The following ADK variants were observed in gnomAD, a reference collection of about 807,000 sequenced individuals.
ADK encodes adenosine kinase.
A neutral mutation model predicts 44.7 loss-of-function variants in ADK; 24 were observed. That is an observed-to-expected ratio of 0.54 (90% CI 0.39 to 0.76). The LOEUF (loss-of-function observed/expected upper bound fraction) is 0.76, where lower values mean the gene tolerates loss of function less well. Among genes scored for constraint, ADK ranks in the 30% least tolerant of loss-of-function variants. The pLI is 0.00. For missense variants in ADK, 321 were observed against 425.1 expected, an observed-to-expected ratio of 0.76 and a Z score of 2.15; for synonymous variants, 128 against 142.6, an observed-to-expected ratio of 0.90 and a Z score of 0.73.
chr10:74,397,532 A>T (rs1025972046), intron 5 of ADK, among the ~76,000 whole-genome samples: 68 of 151,890 alleles, frequency 4.5e-4, no homozygotes, highest in African/African-American at 1.6e-3. Flanking sequence ...GCAGGATTTT[A>T]TTTATTTATT....
intron 3 of ADK, among the ~76,000 whole-genome samples, chr10:74,303,598 T>G (rs1223353347): frequency 7.5e-6 from 1 of 133,530 alleles, no homozygotes; most frequent in African/African-American, 2.9e-5. Context: ...GTTTTTTTTT[T>G]TTTTTTTTTT....
intron 3 of ADK, among the ~76,000 whole-genome samples, chr10:74,240,865 T>TC (rs1473721866): frequency 2.0e-5 from 3 of 152,232 alleles, no homozygotes; most frequent in Non-Finnish European, 2.9e-5. Context: ...AAACCCATTG[T>TC]CAGTTATTTG....
At chr10:74,479,200 G>C (rs1479069663) in intron 6 of ADK, among the ~76,000 whole-genome samples, 1 of 150,780 alleles carries the variant, frequency 6.6e-6, no homozygotes, top group East Asian at 1.9e-4. Flanking sequence ...GGTTTCACCA[G>C]TTGCCCAGGC....
At chr10:74,347,106 CAAAAAAAAAAAAAAAA>C (rs58074760) in intron 4 of ADK, among the ~76,000 whole-genome samples, 227 of 92,292 alleles carry the variant, frequency 2.5e-3, no homozygotes, top group African/African-American at 2.9e-3. Context: ...CACTCTGTCT[CAAAAAAAAAAAAAAAA>C]AAAAAAAAAA....
chr10:74,257,784 T>G (rs970903534), intron 3 of ADK, among the ~76,000 whole-genome samples: 3 of 152,230 alleles, frequency 2.0e-5, no homozygotes, highest in Non-Finnish European at 4.4e-5. Context: ...AAAAATGCAG[T>G]GTAACTTGTA....
chr10:74,341,778 T>C (rs1564663525), intron 4 of ADK, among the ~76,000 whole-genome samples: 1 of 152,192 alleles, frequency 6.6e-6, no homozygotes, highest in South Asian at 2.1e-4. Flanking sequence ...GAAAATTGTC[T>C]TGACAATTCA....
chr10:74,707,191 A>G (rs1589386275), intron 10 of ADK, among the ~76,000 whole-genome samples: 1 of 152,052 alleles, frequency 6.6e-6, no homozygotes. Flanking sequence ...ATGCACCAAC[A>G]TGCATGGCTA....
chr10:74,425,871 G>C (rs530708579), intron 6 of ADK, among the ~76,000 whole-genome samples: 1 of 152,036 alleles, frequency 6.6e-6, no homozygotes, highest in African/African-American at 2.4e-5. Flanking sequence ...GTTGTTTTTA[G>C]CAAAAGTCCT....
At chr10:74,199,161 C>G (rs1201628970) in intron 1 of ADK, among the ~76,000 whole-genome samples, 2 of 152,118 alleles carry the variant, frequency 1.3e-5, no homozygotes, top group East Asian at 1.9e-4. Flanking sequence ...AGATAGGGCT[C>G]TTGCTTGTAC....
In ADK at chr10:74,151,326, G is replaced by A. The variant is rs2132017432; in HGVS notation, c.48G>A (p.Glu16=). Residue 16 remains glutamate (E), a synonymous_variant, in exon 1 of 11, where the codon GAG becomes GAA. Transcript: ENST00000539909. ...CGAAGCCCAAAAAGCTGAAGGTGGA[G>A]GCGCCGCAAGCGCTGAGGTGAGCGC... ...EEPKPKKLKV[E]APQALRENIL... is the part of the protein sequence containing the mutation. 1 of 1,549,642 alleles carries A rather than the reference G, an allele frequency of 6.5e-7. No homozygotes were observed. The highest frequency in any genetic ancestry group is 2.3e-4 in the Middle Eastern group (1 of 4,400).
At chr10:74,371,805 G>T (rs1842667167) in intron 4 of ADK, 11 of 1,271,018 alleles carry the variant, frequency 8.7e-6, no homozygotes, top group Non-Finnish European at 1.2e-5. Context: ...GCTGAAGTTT[G>T]CTGCTGCCAC....
chr10:74,398,611 C>A, intron 6 of ADK, 32 bp downstream of exon 6: 3 of 1,224,726 alleles, frequency 2.4e-6, no homozygotes, highest in Non-Finnish European at 3.6e-6. Flanking sequence ...ATCTCTAGTA[C>A]ATATTTACAT....
At chr10:74,544,786 C>T (rs369039163) in intron 7 of ADK, among the ~76,000 whole-genome samples, 14 of 151,884 alleles carry the variant, frequency 9.2e-5, no homozygotes, top group East Asian at 1.9e-4. Flanking sequence ...CACTTGAACC[C>T]GGGAGGTGGA....
At chr10:74,276,155 C>T (rs557099416) in intron 3 of ADK, among the ~76,000 whole-genome samples, 215 of 152,130 alleles carry the variant, frequency 1.4e-3, no homozygotes, top group Non-Finnish European at 2.6e-3. Context: ...CAGCTCTTCT[C>T]GTAAATATGA....
At chr10:74,246,674 G>A (rs1845427316) in intron 3 of ADK, among the ~76,000 whole-genome samples, 1 of 152,188 alleles carries the variant, frequency 6.6e-6, no homozygotes, top group South Asian at 2.1e-4. Flanking sequence ...TGTCTCTCCT[G>A]ATTTTTTAGA....
chr10:74,380,681 C>T (rs536009618), intron 4 of ADK, among the ~76,000 whole-genome samples: 8 of 152,174 alleles, frequency 5.3e-5, no homozygotes, highest in Middle Eastern at 3.4e-3. Flanking sequence ...TCGCTTGAAC[C>T]TGGGAGGCAG....
chr10:74,243,088 A>G (rs1052658444), intron 3 of ADK, among the ~76,000 whole-genome samples: 1 of 152,226 alleles, frequency 6.6e-6, no homozygotes, highest in African/African-American at 2.4e-5. Flanking sequence ...GAGGGCAGCC[A>G]CCCCACGCAA....
At chr10:74,464,786 T>C (rs1214316952) in intron 6 of ADK, among the ~76,000 whole-genome samples, 1 of 151,910 alleles carries the variant, frequency 6.6e-6, no homozygotes, top group Non-Finnish European at 1.5e-5. Flanking sequence ...AGTTTGATGC[T>C]ACAGTGAGCT....
At chr10:74,200,086 G>A (rs971586553) in intron 1 of ADK, among the ~76,000 whole-genome samples, 1 of 150,824 alleles carries the variant, frequency 6.6e-6, no homozygotes, top group Non-Finnish European at 1.5e-5. Context: ...TTTCACAGGG[G>A]CTAACCTAAT....
Sources: allele counts gnomAD v4.1 joint callset (sites outside exome capture counted in the v4.1 genomes callset), GRCh38; gene constraint gnomAD v4.1.1; transcripts MANE v1.5; gene names NCBI Gene and HGNC (gene_info 2026-07-23, HGNC 2026-07-21).